The following TOX variants were observed in gnomAD, a reference collection of about 807,000 sequenced individuals.
TOX encodes the protein thymocyte selection associated high mobility group box, also known as thymocyte selection-associated high mobility group box protein TOX.
TOX carries 11 observed loss-of-function variants against 53.7 expected under a neutral mutation model. The ratio of observed to expected loss-of-function variants is 0.20; its 90% CI spans 0.13 to 0.34. The LOEUF is 0.34. TOX is among the 10% of genes least tolerant of loss of function. TOX has a pLI of 1.00. For synonymous variants in TOX, 225 were observed against 245.3 expected (o/e 0.92, Z 0.77); for missense variants, 570 against 664.6 (o/e 0.86, Z 1.56).
chr8:59,085,435 C>G (rs1162584370), intron 1 of TOX, among the ~76,000 whole-genome samples: 1 of 151,636 alleles, frequency 6.6e-6, no homozygotes, highest in Non-Finnish European at 1.5e-5. Context: ...GTTGTCCAGG[C>G]TGGAGTGCAG....
At chr8:58,821,203 C>G (rs1810269566) in intron 6 of TOX, among the ~76,000 whole-genome samples, 1 of 152,022 alleles carries the variant, frequency 6.6e-6, no homozygotes. Flanking sequence ...TTTAATGTCA[C>G]TTTTAAAATT....
chr8:58,907,222 A>C (rs1811830649), intron 3 of TOX, among the ~76,000 whole-genome samples: 1 of 152,222 alleles, frequency 6.6e-6, no homozygotes, highest in South Asian at 2.1e-4. Flanking sequence ...GAAATGTCCC[A>C]AACACAGGAT....
chr8:58,858,508 T>C (rs1236430751), intron 3 of TOX, among the ~76,000 whole-genome samples: 1 of 152,224 alleles, frequency 6.6e-6, no homozygotes, highest in East Asian at 1.9e-4. Context: ...CGCTGGAACA[T>C]GGGTAGCCCT....
intron 6 of TOX, among the ~76,000 whole-genome samples, chr8:58,822,450 T>G (rs1255392398): frequency 6.6e-6 from 1 of 152,224 alleles, no homozygotes; most frequent in Non-Finnish European, 1.5e-5. Flanking sequence ...TCCTATGTCC[T>G]ATAGATGTAT....
Position 58,998,837 on chromosome 8 carries a change from CA to C in TOX, c.103-38830del, listed in dbSNP as rs1346310272. 2.4e-4 allele frequency among the ~76,000 whole-genome samples: 37 copies of C among 151,676 alleles called. 1 individual carries two copies. The highest frequency in any genetic ancestry group is 2.2e-3 in the Admixed American group (33 of 15,216). On this transcript the variant is annotated intron_variant, in intron 1 of 8. Coordinates refer to ENST00000361421, the MANE Select transcript of TOX (RefSeq NM_014729.3). ...AAAGTCCAAAGGGTGAACTTAATCT[CA>C]AACAATAGGACAGGTATGAGTGCAA...
chr8:58,892,329 A>G (rs1464389973), intron 3 of TOX, among the ~76,000 whole-genome samples: 1 of 152,184 alleles, frequency 6.6e-6, no homozygotes, highest in East Asian at 1.9e-4. Context: ...AGAGAAGCCA[A>G]ATCATTCATG....
intron 3 of TOX, among the ~76,000 whole-genome samples, chr8:58,892,868 A>C (rs770499327): frequency 2.6e-5 from 4 of 152,194 alleles, no homozygotes; most frequent in Non-Finnish European, 4.4e-5. Flanking sequence ...CCTATTACTT[A>C]AAAGAGTTGG....
At chr8:58,813,876 A>G (rs1181955069) in intron 7 of TOX, among the ~76,000 whole-genome samples, 1 of 152,178 alleles carries the variant, frequency 6.6e-6, no homozygotes, top group African/African-American at 2.4e-5. Flanking sequence ...CTCATATGAA[A>G]GAGTTAAGAG....
At chr8:58,946,043 A>G (rs1461619606) in intron 2 of TOX, among the ~76,000 whole-genome samples, 1 of 152,184 alleles carries the variant, frequency 6.6e-6, no homozygotes, top group Non-Finnish European at 1.5e-5. Flanking sequence ...CTATGGTTAT[A>G]ACTTTGTCAA....
chr8:58,832,148 A>T (rs1343699566), intron 5 of TOX, among the ~76,000 whole-genome samples: 2 of 133,286 alleles, frequency 1.5e-5, no homozygotes, highest in East Asian at 4.5e-4. Context: ...TAATATATGT[A>T]ATATATAATA....
At chr8:59,072,140 T>A (rs2129422654) in intron 1 of TOX, among the ~76,000 whole-genome samples, 1 of 152,278 alleles carries the variant, frequency 6.6e-6, no homozygotes, top group Admixed American at 6.5e-5. Flanking sequence ...GTTGACATCG[T>A]TGTAGTTCAA....
intron 3 of TOX, among the ~76,000 whole-genome samples, chr8:58,881,817 A>ATACT (rs1357622834): frequency 6.6e-6 from 1 of 151,986 alleles, no homozygotes; most frequent in African/African-American, 2.4e-5. Flanking sequence ...TATCAGGAGT[A>ATACT]TACTAAGGGT....
chr8:59,051,275 T>C (rs1803784948), intron 1 of TOX, among the ~76,000 whole-genome samples: 1 of 152,078 alleles, frequency 6.6e-6, no homozygotes, highest in Non-Finnish European at 1.5e-5. Context: ...TTACTTACTG[T>C]GTAGGTAAAA....
intron 6 of TOX, among the ~76,000 whole-genome samples, chr8:58,822,721 G>A (rs1312351396): frequency 1.3e-5 from 2 of 152,204 alleles, no homozygotes; most frequent in African/African-American, 4.8e-5. Context: ...CTATGTAAGA[G>A]CTGGCATGGA....
chr8:58,814,705 C>G (rs945875311), intron 7 of TOX, among the ~76,000 whole-genome samples: 3 of 152,154 alleles, frequency 2.0e-5, no homozygotes, highest in African/African-American at 7.2e-5. Context: ...AAAAGTTAAG[C>G]TAAAATTGCA....
intron 1 of TOX, among the ~76,000 whole-genome samples, chr8:59,025,703 A>C (rs1814223100): frequency 6.6e-6 from 1 of 152,036 alleles, no homozygotes; most frequent in African/African-American, 2.4e-5. Flanking sequence ...CTCAGAGGTC[A>C]CCTTCTCAAT....
chr8:59,109,938 A>C (rs4509306), intron 1 of TOX, among the ~76,000 whole-genome samples: 30,872 of 152,126 alleles, frequency 0.2, 3,527 homozygotes, highest in East Asian at 0.35. Context: ...ATTAAGTAAA[A>C]GTGTTCATGA....
At position 58,939,395 on chromosome 8, in the gene TOX, T is replaced by C; in HGVS notation, c.318A>G (p.Leu106=). 6.2e-7 allele frequency: 1 copy of C among 1,614,056 alleles called. No homozygotes were observed. The highest frequency in any genetic ancestry group is 8.5e-7 in the Non-Finnish European group (1 of 1,180,018). ...LCHPMNHNGL[L]PFHPQNMDLP... ...GGTCCATGTTTTGTGGATGAAATGG[T>C]AGCAGGCCATTATGGTTCATGGGGT... is the stretch of plus-strand genomic sequence containing the variant. The change falls in exon 3 of 9, where the codon CTA becomes CTG. Residue 106 remains leucine (L), a synonymous_variant. Coordinates refer to ENST00000361421, the MANE Select transcript of TOX (RefSeq NM_014729.3).
At chr8:59,016,639 T>A (rs1221971989) in intron 1 of TOX, among the ~76,000 whole-genome samples, 3 of 152,206 alleles carry the variant, frequency 2.0e-5, no homozygotes, top group Admixed American at 2.0e-4. Flanking sequence ...ATTTCTGTAT[T>A]AGGAATGCCT....
Sources: gnomAD v4.1 joint callset for allele counts (sites outside exome capture counted in the v4.1 genomes callset) on GRCh38, gnomAD v4.1.1 for gene constraint, MANE v1.5 for transcripts, NCBI Gene and HGNC (gene_info 2026-07-23, HGNC 2026-07-21) for gene names.